The following CUL5 variants were observed in gnomAD, a reference collection of about 807,000 sequenced individuals.
CUL5 encodes cullin 5.
CUL5 carries 26 observed loss-of-function variants against 108.8 expected under a neutral mutation model. That is an observed-to-expected ratio of 0.24 (90% CI 0.18 to 0.33). The LOEUF is 0.33. Among genes scored for constraint, CUL5 ranks in the 10% least tolerant of loss-of-function variants. The probability of loss-of-function intolerance (pLI) is 1.00; values close to 1 mark genes in which losing one functional copy is unlikely to be tolerated. For synonymous variants in CUL5, 334 were observed against 298.0 expected (o/e 1.12, Z -1.25); for missense variants, 524 against 909.2 (o/e 0.58, Z 5.45).
chr11:108,025,207 A>G (rs1862425449), intron 1 of CUL5, among the ~76,000 whole-genome samples: 1 of 152,178 alleles, frequency 6.6e-6, no homozygotes, highest in South Asian at 2.1e-4. Flanking sequence ...CATATAGAAT[A>G]TGTATAGTAG....
At chr11:108,014,475 A>T (rs926050846) in intron 1 of CUL5, among the ~76,000 whole-genome samples, 3 of 152,206 alleles carry the variant, frequency 2.0e-5, no homozygotes, top group African/African-American at 7.2e-5. Context: ...TTACTGAGGA[A>T]TATTTGAAAA....
Position 108,107,473 on chromosome 11 carries a change from GT to G in CUL5, c.*3092del, listed in dbSNP as rs1279770063. ...GTCTTATGAATTCTTCCAAGGTCAT[GT>G]TTGTGAAATAAACATTACATGAGAG... On this transcript the variant is annotated 3_prime_UTR_variant, in exon 19 of 19. Coordinates refer to ENST00000393094, the MANE Select transcript of CUL5 (RefSeq NM_003478.6). 1 of 152,572 alleles carries G rather than the reference GT, an allele frequency of 6.6e-6. No individual in the cohort carries two copies. The highest frequency in any genetic ancestry group is 2.4e-5 in the African/African-American group (1 of 41,420). The allele number at this position is 152,572 out of a possible 1,614,324, so 9.5% of individuals were successfully genotyped here. A position where few individuals can be genotyped will look rare whatever the true frequency, so the allele number is the denominator to read the frequency against.
chr11:108,065,701 A>G (rs1863660272), intron 7 of CUL5, among the ~76,000 whole-genome samples: 1 of 152,168 alleles, frequency 6.6e-6, no homozygotes, highest in South Asian at 2.1e-4. Flanking sequence ...GCGATTCAAG[A>G]CTATCTTTCC....
rs557221663 is a variant in CUL5, at chr11:108,044,848, G to A, written c.135-1422G>A. ...GCCATCTTGGCTCACTGCAACCTCC[G>A]CCTCCCGGGTTCAAGTGATTCTCAT... is the stretch of plus-strand genomic sequence containing the variant. On this transcript the variant is annotated intron_variant, in intron 2 of 18. Coordinates refer to ENST00000393094, the MANE Select transcript of CUL5 (RefSeq NM_003478.6). Among the ~76,000 whole-genome samples, 13 of 151,770 alleles carry A rather than the reference G, an allele frequency of 8.6e-5. No individual in the cohort carries two copies. The East Asian group carries it at 2.3e-3, about 27-fold the overall frequency.
intron 9 of CUL5, 124 bp from the exon 10 acceptor site, chr11:108,073,266 T>G (rs1863868418): frequency 1.7e-6 from 1 of 576,126 alleles, no homozygotes; most frequent in African/African-American, 2.0e-5. Flanking sequence ...CACCTTTTAG[T>G]TTTATTTTTA....
intron 13 of CUL5, among the ~76,000 whole-genome samples, chr11:108,092,350 GT>G (rs1338636580): frequency 6.6e-6 from 1 of 152,130 alleles, no homozygotes; most frequent in African/African-American, 2.4e-5. Context: ...TCACTCTTAG[GT>G]AATTCATTTG....
chr11:108,096,980 C>A (rs981595769), intron 16 of CUL5, among the ~76,000 whole-genome samples: 2 of 152,164 alleles, frequency 1.3e-5, no homozygotes, highest in African/African-American at 2.4e-5. Flanking sequence ...CCCCTGCTCA[C>A]AACTACATTT....
intron 3 of CUL5, among the ~76,000 whole-genome samples, chr11:108,046,915 G>A (rs1863082488): frequency 6.6e-6 from 1 of 151,928 alleles, no homozygotes; most frequent in Non-Finnish European, 1.5e-5. Context: ...TTTTTTTTCT[G>A]TGACACCTTG....
intron 11 of CUL5, among the ~76,000 whole-genome samples, chr11:108,081,366 A>G (rs1438669202): frequency 2.0e-5 from 3 of 152,188 alleles, no homozygotes; most frequent in Non-Finnish European, 4.4e-5. Context: ...TAGCTTTTGT[A>G]TATGGTGTGA....
intron 1 of CUL5, among the ~76,000 whole-genome samples, chr11:108,026,154 C>A (rs779112156): frequency 2.6e-5 from 4 of 152,106 alleles, no homozygotes; most frequent in Non-Finnish European, 4.4e-5. Context: ...CTTTTTGCTT[C>A]CTTGCCCCTG....
intron 13 of CUL5, among the ~76,000 whole-genome samples, chr11:108,092,194 A>C (rs1864379785): frequency 6.6e-6 from 1 of 152,198 alleles, no homozygotes; most frequent in Non-Finnish European, 1.5e-5. Flanking sequence ...AGCTAAAATA[A>C]AGACAGATGA....
intron 11 of CUL5, among the ~76,000 whole-genome samples, chr11:108,081,870 T>A (rs1864095706): frequency 6.6e-6 from 1 of 152,246 alleles, no homozygotes. Context: ...ACTGTAGCCT[T>A]GCGATAAGCT....
At chr11:108,079,012 A>G (rs1468308596) in intron 11 of CUL5, among the ~76,000 whole-genome samples, 2 of 152,162 alleles carry the variant, frequency 1.3e-5, no homozygotes, top group African/African-American at 4.8e-5. Context: ...AATATGTGAA[A>G]CATATAGCAC....
chr11:108,012,041 A>G (rs1028118868), intron 1 of CUL5, among the ~76,000 whole-genome samples: 14 of 152,220 alleles, frequency 9.2e-5, no homozygotes, highest in African/African-American at 3.4e-4. Flanking sequence ...TGTGTAGCAC[A>G]TTTTGACATA....
chr11:108,063,992 T>C (rs535880483), intron 7 of CUL5, among the ~76,000 whole-genome samples: 15 of 152,358 alleles, frequency 9.8e-5, no homozygotes, highest in Admixed American at 2.0e-4. Flanking sequence ...TAGTTTGACA[T>C]CTTCCTTTCC....
Position 108,094,886 on chromosome 11 carries a change from C to T in CUL5, c.1642C>T (p.Pro548Ser). 1 of 1,612,886 alleles carries T rather than the reference C, an allele frequency of 6.2e-7. No homozygotes were observed. ...RSSEKVFVSLPTELEDLIPEV... is the reference protein window; with the variant it reads ...RSSEKVFVSLSTELEDLIPEV... ...TTCTGAGAAAGTCTTTGTCTCACTT[C>T]CTACTGAACTGGAGGACTTGATACC... The change falls in exon 15 of 19, where the codon CCT becomes TCT. Residue 548 changes from proline (P) to serine (S), a missense_variant. Physicochemically the swap from Pro to Ser is moderately conservative, Grantham distance 74 (BLOSUM62 -1). Coordinates refer to ENST00000393094, the MANE Select transcript of CUL5 (RefSeq NM_003478.6).
chr11:108,081,772 A>G (rs913789240), intron 11 of CUL5, among the ~76,000 whole-genome samples: 1 of 152,126 alleles, frequency 6.6e-6, no homozygotes, highest in African/African-American at 2.4e-5. Context: ...TCAGTTGGCT[A>G]TGATGTATGT....
Position 108,104,453 on chromosome 11 carries a change from G to A in CUL5, c.*69G>A. The A allele has an allele frequency of 1.0e-5, 10 of 984,922 alleles. No homozygotes were observed. Among genetic ancestry groups the A allele is most frequent in the Non-Finnish European group, 1.5e-5 (10 of 678,016 alleles). The allele number at this position is 984,922 out of a possible 1,614,324, so 61.0% of individuals were successfully genotyped here. A position where few individuals can be genotyped will look rare whatever the true frequency, so the allele number is the denominator to read the frequency against. On this transcript the variant is annotated 3_prime_UTR_variant, in exon 19 of 19. Transcript: ENST00000393094. ...GCTTGGGCAGAAAGTTGTAAAGTTT[G>A]TGCTGGAGAAAGGTTTATTTGGACT...
rs1424719933 is a variant in CUL5, at chr11:108,097,740, G to A, written c.2010G>A (p.Gln670=). The A allele has an allele frequency of 1.3e-6, 2 of 1,590,436 alleles. No individual in the cohort carries two copies. Among genetic ancestry groups the A allele is most frequent in the African/African-American group, 2.7e-5 (2 of 74,348 alleles). Residue 670 remains glutamine (Q), a synonymous_variant, in exon 17 of 19, where the codon CAG becomes CAA. Transcript: ENST00000393094. ...FTEGTLFSVN[Q]EFSLIKNAKV... ...AAGGTACCCTCTTCTCAGTGAACCA[G>A]GAGTTCAGTTTAATGTAAGCTCGTT... is the stretch of plus-strand genomic sequence containing the variant.
Sources: gnomAD v4.1 joint callset for allele counts (sites outside exome capture counted in the v4.1 genomes callset) on GRCh38, gnomAD v4.1.1 for gene constraint, MANE v1.5 for transcripts, NCBI Gene and HGNC (gene_info 2026-07-23, HGNC 2026-07-21) for gene names.